Variants in FSTL5 observed in about 807,000 individuals in gnomAD.
The protein encoded by FSTL5 is follistatin like 5.
A neutral mutation model predicts 89.1 loss-of-function variants in FSTL5; 62 were observed. That is an observed-to-expected ratio of 0.70 (90% CI 0.57 to 0.86). FSTL5 has a LOEUF of 0.86. FSTL5 is among the 40% of genes least tolerant of loss of function. The pLI is 0.00. For missense variants in FSTL5, 1,057 were observed against 1,001.6 expected, an observed-to-expected ratio of 1.06 and a Z score of -0.75; for synonymous variants, 383 against 346.2, an observed-to-expected ratio of 1.11 and a Z score of -1.18.
intron 4 of FSTL5, among the ~76,000 whole-genome samples, chr4:161,852,607 C>T (rs570190923): frequency 6.6e-6 from 1 of 152,198 alleles, no homozygotes; most frequent in African/African-American, 2.4e-5. Flanking sequence ...AATCCCATTA[C>T]TGCATATATA....
At chr4:161,642,225 C>T (rs1560765685) in intron 7 of FSTL5, among the ~76,000 whole-genome samples, 2 of 152,112 alleles carry the variant, frequency 1.3e-5, no homozygotes, top group Non-Finnish European at 2.9e-5. Context: ...TGCGAAGACA[C>T]TCTTAGCCAA....
chr4:161,618,998 A>T (rs1735004002), intron 7 of FSTL5, among the ~76,000 whole-genome samples: 1 of 152,218 alleles, frequency 6.6e-6, no homozygotes, highest in Admixed American at 6.5e-5. Context: ...AGAGATATAG[A>T]TCAATGGAAC....
intron 6 of FSTL5, among the ~76,000 whole-genome samples, chr4:161,669,651 T>C (rs1737027857): frequency 6.6e-6 from 1 of 152,018 alleles, no homozygotes; most frequent in Non-Finnish European, 1.5e-5. Flanking sequence ...TAAAAGTACA[T>C]CACAGACTTA....
At chr4:161,726,312 C>T (rs1303161444) in intron 6 of FSTL5, among the ~76,000 whole-genome samples, 3 of 148,116 alleles carry the variant, frequency 2.0e-5, no homozygotes, top group Admixed American at 6.9e-5. Context: ...CTGCTACCTC[C>T]GCCTCCCGGG....
chr4:161,471,979 C>T lies in FSTL5; in HGVS notation c.1608+9041G>A, dbSNP rs1251557659. The stretch of plus-strand genomic sequence containing the variant: ...CTAATAGCTTGTCAATTTTCTTGAT[C>T]TTTTTTTTTTTTTTTGAGACAGAGT... On this transcript the variant is annotated intron_variant, in intron 13 of 15. Coordinates refer to ENST00000306100, the MANE Select transcript of FSTL5 (RefSeq NM_020116.5). Among the ~76,000 whole-genome samples the T allele has an allele frequency of 6.0e-4, 79 of 132,534 alleles. 1 individual carries two copies. Among genetic ancestry groups the T allele is most frequent in the Non-Finnish European group, 9.0e-4 (55 of 61,042 alleles). 86.9% of individuals were successfully genotyped at this position (132,534 alleles called of 152,430 possible). A position where few individuals can be genotyped will look rare whatever the true frequency, so the allele number is the denominator to read the frequency against.
At chr4:162,133,259 A>T (rs1732386580) in intron 1 of FSTL5, among the ~76,000 whole-genome samples, 1 of 152,226 alleles carries the variant, frequency 6.6e-6, no homozygotes, top group South Asian at 2.1e-4. Flanking sequence ...TCTAAATGGC[A>T]TTGAAAGTGA....
chr4:161,542,366 G>T (rs935744474), intron 9 of FSTL5, among the ~76,000 whole-genome samples, 166 bp downstream of exon 9: 4 of 151,976 alleles, frequency 2.6e-5, no homozygotes, highest in Non-Finnish European at 5.9e-5. Flanking sequence ...AATGTTAAAA[G>T]AATCTTTCCC....
chr4:161,838,374 G>A (rs1347242087), intron 4 of FSTL5, among the ~76,000 whole-genome samples: 2 of 152,142 alleles, frequency 1.3e-5, no homozygotes, highest in Non-Finnish European at 2.9e-5. Flanking sequence ...CGCCTCCCAG[G>A]TTCATGCCAT....
chr4:162,140,936 A>G (rs1300847926), intron 1 of FSTL5, among the ~76,000 whole-genome samples: 1 of 151,940 alleles, frequency 6.6e-6, no homozygotes, highest in East Asian at 1.9e-4. Flanking sequence ...TTGAAATTTG[A>G]TCCCTAATGT....
Position 161,766,914 on chromosome 4 carries a change from A to T in FSTL5, c.607-7383T>A, listed in dbSNP as rs774288150. 6.3e-4 allele frequency among the ~76,000 whole-genome samples: 9 copies of T among 14,350 alleles called. No homozygotes were observed. In the Admixed American group the frequency reaches 6.5e-3, roughly 10 times the overall value. 9.4% of individuals were successfully genotyped at this position (14,350 alleles called of 152,430 possible). ...GACAATAGATGATAGATCGATTGAT[A>T]GATAGATAGATAGATAGATAGATAG... On this transcript the variant is annotated intron_variant, in intron 5 of 15. Coordinates refer to ENST00000306100, the MANE Select transcript of FSTL5 (RefSeq NM_020116.5).
intron 7 of FSTL5, among the ~76,000 whole-genome samples, chr4:161,614,423 A>G (rs1734767837): frequency 6.6e-6 from 1 of 152,210 alleles, no homozygotes; most frequent in Non-Finnish European, 1.5e-5. Flanking sequence ...ATCTTCTAAT[A>G]TACTGCCTGT....
chr4:162,110,054 A>C (rs899868005), intron 2 of FSTL5, among the ~76,000 whole-genome samples: 1 of 152,016 alleles, frequency 6.6e-6, no homozygotes, highest in Non-Finnish European at 1.5e-5. Flanking sequence ...TGCATATGTC[A>C]AGACTAGATA....
chr4:162,091,266 T>C (rs1730538858), intron 2 of FSTL5, among the ~76,000 whole-genome samples: 1 of 152,156 alleles, frequency 6.6e-6, no homozygotes. Flanking sequence ...ATTATCCATT[T>C]TCCTGACTAA....
intron 7 of FSTL5, among the ~76,000 whole-genome samples, chr4:161,621,523 C>G (rs1178866460): frequency 6.6e-6 from 1 of 151,858 alleles, no homozygotes; most frequent in African/African-American, 2.4e-5. Context: ...CAAGTTAAAC[C>G]CATGATAAAT....
intron 4 of FSTL5, among the ~76,000 whole-genome samples, chr4:161,889,650 A>C (rs1317621311): frequency 6.6e-6 from 1 of 152,210 alleles, no homozygotes; most frequent in Non-Finnish European, 1.5e-5. Flanking sequence ...TCGAATAAAT[A>C]AATAAATAAC....
At chr4:161,494,030 C>T (rs1729981092) in intron 12 of FSTL5, among the ~76,000 whole-genome samples, 1 of 152,214 alleles carries the variant, frequency 6.6e-6, no homozygotes. Flanking sequence ...CTTTATAAGA[C>T]CTCTTTACAT....
At chr4:162,061,483 A>T (rs911282432) in intron 2 of FSTL5, among the ~76,000 whole-genome samples, 6 of 152,188 alleles carry the variant, frequency 3.9e-5, no homozygotes, top group African/African-American at 1.2e-4. Flanking sequence ...TACTTTCAGT[A>T]TCTTCATTTC....
chr4:161,486,568 C>T (rs1330718738), intron 12 of FSTL5, among the ~76,000 whole-genome samples: 1 of 152,170 alleles, frequency 6.6e-6, no homozygotes, highest in Admixed American at 6.5e-5. Context: ...TTATGCTTCT[C>T]TACCAATCAG....
chr4:161,802,747 G>A (rs138791197), intron 4 of FSTL5, among the ~76,000 whole-genome samples: 4 of 151,750 alleles, frequency 2.6e-5, no homozygotes, highest in African/African-American at 9.6e-5. Context: ...CCATTTATAT[G>A]TGGATAACAA....
Sources: allele counts gnomAD v4.1 joint callset (sites outside exome capture counted in the v4.1 genomes callset), GRCh38; gene constraint gnomAD v4.1.1; transcripts MANE v1.5; gene names NCBI Gene and HGNC (gene_info 2026-07-23, HGNC 2026-07-21).